Variants in FAM53B observed in about 807,000 individuals in gnomAD.
The protein encoded by FAM53B is protein FAM53B.
Under a neutral mutation model 32.7 loss-of-function variants are expected in FAM53B, and 12 were observed. The observed-to-expected ratio is 0.37, with a 90% CI of 0.24 to 0.59. The LOEUF is 0.59. Ranked by LOEUF, FAM53B falls within the 20% of genes least tolerant of loss-of-function variation. FAM53B has a pLI of 0.72. For synonymous variants in FAM53B, 234 were observed against 228.7 expected (o/e 1.02, Z -0.21); for missense variants, 477 against 577.7 (o/e 0.83, Z 1.79).
chr10:124,622,479 C>G lies in FAM53B; in HGVS notation c.*763G>C, dbSNP rs1373348845. 6.6e-6 allele frequency: 1 copy of G among 152,212 alleles called. No individual in the cohort carries two copies. Among genetic ancestry groups the G allele is most frequent in the African/African-American group, 2.4e-5 (1 of 41,430 alleles). 9.4% of individuals were successfully genotyped at this position (152,212 alleles called of 1,614,324 possible). On this transcript the variant is annotated 3_prime_UTR_variant, in exon 5 of 5. Coordinates refer to ENST00000337318, the MANE Select transcript of FAM53B (RefSeq NM_014661.4). ...TGGCAGAGCCATGGGGTCAGCCTCT[C>G]CATGCTGTAGGAGAGGCAAGCAAGT...
rs1949471585 is a variant in FAM53B, at chr10:124,641,373, A to G, written c.907-17769T>C. Among the ~76,000 whole-genome samples the G allele has an allele frequency of 3.3e-5, 5 of 152,242 alleles. No individual in the cohort carries two copies. In the South Asian group the frequency reaches 1.0e-3, roughly 31 times the overall value. The stretch of plus-strand genomic sequence containing the variant: ...AGAACACTACCCCAAGACCAGCTTC[A>G]GGACAGGGCCCCAGCCTCTGGCTGA... On this transcript the variant is annotated intron_variant, in intron 4 of 4. Coordinates refer to ENST00000337318, the MANE Select transcript of FAM53B (RefSeq NM_014661.4).
intron 1 of FAM53B, among the ~76,000 whole-genome samples, chr10:124,715,893 T>C (rs1950036025): frequency 6.6e-6 from 1 of 152,168 alleles, no homozygotes; most frequent in African/African-American, 2.4e-5. Flanking sequence ...AATCCCTAGG[T>C]AGGCACAATT....
chr10:124,739,603 G>A (rs1204472875), intron 1 of FAM53B, among the ~76,000 whole-genome samples: 1 of 152,196 alleles, frequency 6.6e-6, no homozygotes, highest in African/African-American at 2.4e-5. Context: ...ACCCTCCTGA[G>A]ACTGGCACCG....
At chr10:124,693,428 C>T (rs1258036597) in intron 3 of FAM53B, among the ~76,000 whole-genome samples, 2 of 151,390 alleles carry the variant, frequency 1.3e-5, no homozygotes, top group Non-Finnish European at 2.9e-5. Context: ...CAAGATCACA[C>T]CACTGCCCTC....
intron 2 of FAM53B, among the ~76,000 whole-genome samples, chr10:124,698,033 C>T (rs1291926667): frequency 6.6e-6 from 1 of 152,216 alleles, no homozygotes; most frequent in Non-Finnish European, 1.5e-5. Context: ...GCTGCACTGC[C>T]TGCACAGCTG....
At chr10:124,684,166 G>A (rs918624569) in intron 3 of FAM53B, among the ~76,000 whole-genome samples, 3 of 152,208 alleles carry the variant, frequency 2.0e-5, no homozygotes, top group Non-Finnish European at 2.9e-5. Flanking sequence ...ATTCATAGAG[G>A]GCCTCAGAAG....
At chr10:124,626,206 C>G (rs547847847) in intron 4 of FAM53B, among the ~76,000 whole-genome samples, 1 of 152,238 alleles carries the variant, frequency 6.6e-6, no homozygotes, top group Admixed American at 6.5e-5. Flanking sequence ...GCAGCAGGAG[C>G]GCAGCCTGCG....
intron 4 of FAM53B, among the ~76,000 whole-genome samples, chr10:124,671,005 C>T (rs1038056659): frequency 1.3e-5 from 2 of 152,216 alleles, no homozygotes; most frequent in Admixed American, 6.5e-5. Flanking sequence ...AGCTGCGATG[C>T]GCGCTAGAAG....
At position 124,630,409 on chromosome 10, in the gene FAM53B, T is replaced by C. The variant is rs530432403; in HGVS notation, c.907-6805A>G. ...AGCCTGGGCAACAGGGCAAGACCTGTCTCTCCAAAAAAAGAAAAGCGGGGG... is the reference window on the plus strand; with the variant it reads ...AGCCTGGGCAACAGGGCAAGACCTGCCTCTCCAAAAAAAGAAAAGCGGGGG... On this transcript the variant is annotated intron_variant, in intron 4 of 4. Transcript: ENST00000337318. Among the ~76,000 whole-genome samples, 3 of 152,238 alleles carry C rather than the reference T, an allele frequency of 2.0e-5. No homozygotes were observed. In the East Asian group the frequency reaches 5.8e-4, roughly 29 times the overall value.
chr10:124,689,267 G>A (rs529442450), intron 3 of FAM53B, among the ~76,000 whole-genome samples: 2 of 152,272 alleles, frequency 1.3e-5, no homozygotes, highest in African/African-American at 2.4e-5. Flanking sequence ...AAAGAACATG[G>A]GGGTGGGGGG....
chr10:124,706,229 G>A (rs560299490), intron 2 of FAM53B, among the ~76,000 whole-genome samples: 41 of 152,254 alleles, frequency 2.7e-4, no homozygotes, highest in African/African-American at 6.5e-4. Flanking sequence ...CACTCTCGAC[G>A]TTCCTGAGGC....
intron 1 of FAM53B, among the ~76,000 whole-genome samples, chr10:124,719,961 G>A (rs527540586): frequency 2.6e-5 from 4 of 152,248 alleles, no homozygotes; most frequent in African/African-American, 9.6e-5. Context: ...TAAGGAGTTC[G>A]AGACCAGCCT....
rs767125073 is a variant in FAM53B, at chr10:124,624,696, C to T, written c.907-1092G>A. Among the ~76,000 whole-genome samples the T allele has an allele frequency of 2.6e-5, 4 of 151,128 alleles. No individual in the cohort carries two copies. The East Asian group carries it at 7.7e-4, about 29-fold the overall frequency. ...GATTTCAAGGGTACGCAGGCCAGTT[C>T]TGCTTGGCGTCAGCTGCCAGCGATG... On this transcript the variant is annotated intron_variant, in intron 4 of 4. Transcript: ENST00000337318.
chr10:124,623,226 C>G lies in FAM53B; in HGVS notation c.*16G>C, dbSNP rs1346778350. 5.5e-5 allele frequency: 87 copies of G among 1,570,796 alleles called. No homozygotes were observed. The highest frequency in any genetic ancestry group is 7.2e-5 in the Non-Finnish European group (83 of 1,156,764). ...CGATGCCAGCACACCCCAGCCCTGC[C>G]TGGGCCCACACCCCCTCAGTTCTTC... On this transcript the variant is annotated 3_prime_UTR_variant, in exon 5 of 5. Coordinates refer to ENST00000337318, the MANE Select transcript of FAM53B (RefSeq NM_014661.4).
intron 1 of FAM53B, among the ~76,000 whole-genome samples, chr10:124,740,105 G>A (rs79172994): frequency 0.044 from 6,645 of 152,250 alleles, 219 homozygotes; most frequent in Non-Finnish European, 0.067. Flanking sequence ...CAGAAGCCAA[G>A]TTTCCTCTGG....
Position 124,669,965 on chromosome 10 carries a change from CAGGGTGGGT to C in FAM53B, c.906+11633_906+11641del, listed in dbSNP as rs1949697831. ...AGGATTACAGGGTGGGTGAGGATTA[CAGGGTGGGT>C]GAGGACCACACACCCGAGGGAGGAC... is the stretch of plus-strand genomic sequence containing the variant. On this transcript the variant is annotated intron_variant, in intron 4 of 4. Transcript: ENST00000337318. Among the ~76,000 whole-genome samples the C allele has an allele frequency of 4.6e-5, 7 of 151,564 alleles. No individual in the cohort carries two copies. In the South Asian group the frequency reaches 1.5e-3, roughly 32 times the overall value.
chr10:124,686,224 C>T (rs556887249), intron 3 of FAM53B, among the ~76,000 whole-genome samples: 13 of 152,346 alleles, frequency 8.5e-5, no homozygotes, highest in African/African-American at 2.9e-4. Context: ...GATCTATATG[C>T]AGAAAGGCTG....
intron 4 of FAM53B, among the ~76,000 whole-genome samples, chr10:124,627,613 T>TA (rs1281974151): frequency 1.3e-5 from 2 of 152,130 alleles, no homozygotes; most frequent in African/African-American, 4.8e-5. Context: ...GGCCTCAGGC[T>TA]AGTGGCCAGG....
chr10:124,733,231 C>A lies in FAM53B; in HGVS notation c.-175+10782G>T, dbSNP rs1950155590. Among the ~76,000 whole-genome samples, 1 of 152,254 alleles carries A rather than the reference C, an allele frequency of 6.6e-6. No homozygotes were observed. The highest frequency in any genetic ancestry group is 2.1e-4 in the South Asian group (1 of 4,834). On this transcript the variant is annotated intron_variant, in intron 1 of 4. Coordinates refer to ENST00000337318, the MANE Select transcript of FAM53B (RefSeq NM_014661.4). This position sits in a 1 kb window ranked among gnomAD's most constrained non-coding sequence, Gnocchi z 4.3. ...GCTGCTAACTGCAGTTCCGCCTCCA[C>A]CTCTGCACAGGTTCAGTATTTTTCT... is the stretch of plus-strand genomic sequence containing the variant.
Sources: gnomAD v4.1 joint callset for allele counts (sites outside exome capture counted in the v4.1 genomes callset) on GRCh38, gnomAD v4.1.1 for gene constraint, Gnocchi (gnomAD v3.1) non-coding constraint, MANE v1.5 for transcripts, NCBI Gene and HGNC (gene_info 2026-07-23, HGNC 2026-07-21) for gene names.